The following RAB31 variants were observed in gnomAD, a reference collection of about 807,000 sequenced individuals.
RAB31 encodes the protein RAB31, member RAS oncogene family, also known as ras-related protein Rab-31.
RAB31 carries 21 observed loss-of-function variants against 25.6 expected under a neutral mutation model. The ratio of observed to expected loss-of-function variants is 0.82; its 90% CI spans 0.58 to 1.18. The LOEUF is 1.18. Ranked by LOEUF, RAB31 falls within the 50% of genes most tolerant of loss-of-function variation. The probability of loss-of-function intolerance (pLI) is 0.00; values close to 1 mark genes in which losing one functional copy is unlikely to be tolerated. For missense variants in RAB31, 196 were observed against 250.1 expected, an observed-to-expected ratio of 0.78 and a Z score of 1.46; for synonymous variants, 87 against 84.0, an observed-to-expected ratio of 1.04 and a Z score of -0.20.
chr18:9,845,746 G>A, intron 6 of RAB31, 55 bp downstream of exon 6: 1 of 1,493,770 alleles, frequency 6.7e-7, no homozygotes. Context: ...GCTTCTGGGA[G>A]TCAAAGGATA....
rs939470929 is a variant in RAB31 at position 9,855,830 on chromosome 18, A to T, written c.491-3398A>T. 1.1e-4 allele frequency among the ~76,000 whole-genome samples: 16 copies of T among 152,204 alleles called. 1 individual carries two copies. The highest frequency in any genetic ancestry group is 3.6e-4 in the African/African-American group (15 of 41,530). ...CCGGTCCACTAACTGAACCCTGAGAATTGACCGTGACCATGAATCACACAG... is the reference window on the plus strand; with the variant it reads ...CCGGTCCACTAACTGAACCCTGAGATTTGACCGTGACCATGAATCACACAG... On this transcript the variant is annotated intron_variant, in intron 6 of 6. Transcript: ENST00000578921.
chr18:9,752,003 C>T (rs974385878), intron 1 of RAB31, among the ~76,000 whole-genome samples: 1 of 152,178 alleles, frequency 6.6e-6, no homozygotes, highest in African/African-American at 2.4e-5. Flanking sequence ...AGAGTGCTGT[C>T]TTCTGGCTGC....
chr18:9,716,177 A>G (rs1453388578), intron 1 of RAB31, among the ~76,000 whole-genome samples: 1 of 152,088 alleles, frequency 6.6e-6, no homozygotes, highest in Admixed American at 6.5e-5. Context: ...TGACTCTGGC[A>G]TTTTTGAAGA....
chr18:9,790,193 T>A lies in RAB31; in HGVS notation c.120-1961T>A, dbSNP rs139175664. On this transcript the variant is annotated intron_variant, in intron 2 of 6. Coordinates refer to ENST00000578921, the MANE Select transcript of RAB31 (RefSeq NM_006868.4). Reference sequence around the variant, plus strand: ...ATAATATCTTGCATATAGTGTGAATTTAAAATTTTAAAGTTGTTCTTAAAA... The same window carrying A: ...ATAATATCTTGCATATAGTGTGAATATAAAATTTTAAAGTTGTTCTTAAAA... Among the ~76,000 whole-genome samples, 356 of 152,238 alleles carry A rather than the reference T, an allele frequency of 2.3e-3. 3 individuals carry two copies. The highest frequency in any genetic ancestry group is 8.0e-3 in the African/African-American group (331 of 41,542).
At chr18:9,747,633 T>C (rs8085665) in intron 1 of RAB31, among the ~76,000 whole-genome samples, 2 of 152,186 alleles carry the variant, frequency 1.3e-5, no homozygotes, top group South Asian at 4.1e-4. Context: ...GTGTGATTCC[T>C]TTCATAGGGC....
intron 1 of RAB31, among the ~76,000 whole-genome samples, chr18:9,711,484 C>T (rs1339804971): frequency 2.0e-5 from 3 of 152,216 alleles, no homozygotes; most frequent in African/African-American, 7.2e-5. Flanking sequence ...GTGATCCTCC[C>T]ACCTCAGCCT....
chr18:9,760,417 C>T (rs934373239), intron 1 of RAB31, among the ~76,000 whole-genome samples: 1 of 152,136 alleles, frequency 6.6e-6, no homozygotes, highest in South Asian at 2.1e-4. Flanking sequence ...AAGCAGTCCT[C>T]CCACGTAAGC....
chr18:9,777,296 G>C (rs1329208509), intron 2 of RAB31, among the ~76,000 whole-genome samples: 1 of 152,216 alleles, frequency 6.6e-6, no homozygotes. Flanking sequence ...CTGCACTCCA[G>C]CCTGGGCAAC....
chr18:9,768,702 T>A (rs1225401496), intron 1 of RAB31, among the ~76,000 whole-genome samples: 1 of 152,236 alleles, frequency 6.6e-6, no homozygotes, highest in Non-Finnish European at 1.5e-5. Flanking sequence ...TTAGTTTAAT[T>A]AGCTCTCATT....
chr18:9,802,679 C>T (rs2068520098), intron 3 of RAB31, among the ~76,000 whole-genome samples: 1 of 152,230 alleles, frequency 6.6e-6, no homozygotes, highest in African/African-American at 2.4e-5. Flanking sequence ...TTGCAAGTGA[C>T]TGCCAGTCTG....
chr18:9,835,101 C>T (rs1387459463), intron 5 of RAB31, among the ~76,000 whole-genome samples: 3 of 152,136 alleles, frequency 2.0e-5, no homozygotes, highest in East Asian at 3.8e-4. Context: ...ACAAGGAAAC[C>T]GAGACACAGG....
chr18:9,717,179 A>C (rs1450749545), intron 1 of RAB31, among the ~76,000 whole-genome samples: 1 of 152,086 alleles, frequency 6.6e-6, no homozygotes, highest in African/African-American at 2.4e-5. Flanking sequence ...TCCCAGTCTC[A>C]AGTGATCCTC....
chr18:9,784,321 T>A (rs143316959), intron 2 of RAB31, among the ~76,000 whole-genome samples: 53 of 152,132 alleles, frequency 3.5e-4, no homozygotes, highest in African/African-American at 1.3e-3. Flanking sequence ...ATTACAGGTG[T>A]CAGCCACCAT....
rs1599054604 is a variant in RAB31 at position 9,823,377 on chromosome 18, T to C, written c.380+8155T>C. 2.0e-5 allele frequency among the ~76,000 whole-genome samples: 3 copies of C among 152,174 alleles called. No individual in the cohort carries two copies. The South Asian group carries it at 6.2e-4, about 32-fold the overall frequency. ...ACAGGAACCTACACAGGTGGTAAAATTGTATACAGCTTAACTCACATACAT... is the reference window on the plus strand; with the variant it reads ...ACAGGAACCTACACAGGTGGTAAAACTGTATACAGCTTAACTCACATACAT... On this transcript the variant is annotated intron_variant, in intron 5 of 6. Transcript: ENST00000578921.
intron 1 of RAB31, among the ~76,000 whole-genome samples, chr18:9,762,638 GGGACAAACTGCTCTCT>G (rs1297527512): frequency 6.6e-6 from 1 of 151,842 alleles, no homozygotes; most frequent in African/African-American, 2.4e-5. Context: ...TTTGTACATC[GGGACAAACTGCTCTCT>G]GGAAATGCCA....
At chr18:9,749,332 TACGGAACAG>T (rs1460903512) in intron 1 of RAB31, among the ~76,000 whole-genome samples, 1 of 138,580 alleles carries the variant, frequency 7.2e-6, no homozygotes, top group African/African-American at 2.7e-5. Flanking sequence ...TGCCCCATTT[TACGGAACAG>T]AGGGAACAGA....
intron 5 of RAB31, among the ~76,000 whole-genome samples, chr18:9,832,420 G>T (rs147616330): frequency 1.3e-5 from 2 of 152,214 alleles, no homozygotes; most frequent in African/African-American, 4.8e-5. Flanking sequence ...TTCACAGCAC[G>T]AAGATCATCA....
At chr18:9,718,919 A>G (rs1437147158) in intron 1 of RAB31, among the ~76,000 whole-genome samples, 2 of 151,964 alleles carry the variant, frequency 1.3e-5, no homozygotes, top group African/African-American at 2.4e-5. Context: ...GGATTTCAAC[A>G]TACAAATTTT....
At chr18:9,858,150 C>A (rs2068828629) in intron 6 of RAB31, among the ~76,000 whole-genome samples, 1 of 152,202 alleles carries the variant, frequency 6.6e-6, no homozygotes, top group South Asian at 2.1e-4. Flanking sequence ...TGCGACCCAT[C>A]AGGAAGTCAA....
Sources: gnomAD v4.1 joint callset for allele counts (sites outside exome capture counted in the v4.1 genomes callset) on GRCh38, gnomAD v4.1.1 for gene constraint, MANE v1.5 for transcripts, NCBI Gene and HGNC (gene_info 2026-07-23, HGNC 2026-07-21) for gene names.